Variants in PDE4D observed in about 807,000 individuals in gnomAD.
PDE4D encodes the protein 3',5'-cyclic-AMP phosphodiesterase 4D.
In PDE4D, 24 loss-of-function variants were observed where a neutral mutation model predicts 87.4. The observed-to-expected ratio is 0.27, with a 90% CI of 0.20 to 0.39. PDE4D has a LOEUF of 0.39. Ranked by LOEUF, PDE4D falls within the 10% of genes least tolerant of loss-of-function variation. The pLI, the probability that PDE4D is intolerant of heterozygous loss-of-function variation, is 1.00. For missense variants in PDE4D, 714 were observed against 1,041.0 expected (o/e 0.69, Z 4.32); for synonymous variants, 384 against 383.2 (o/e 1.00, Z -0.02).
rs563947992 is a variant in PDE4D at position 60,212,311 on chromosome 5, A to G, written c.-89-26624T>C. Among the ~76,000 whole-genome samples the G allele has an allele frequency of 9.9e-5, 15 of 152,220 alleles. No homozygotes were observed. The South Asian group carries it at 2.9e-3, about 29-fold the overall frequency. ...TCATAACTTTCTGTGATTCTCATGG[A>G]AAAATCCTTTCCATGTTTTGGGTGT... On this transcript the variant is annotated intron_variant, in intron 1 of 16. Transcript: ENST00000502484.
intron 1 of PDE4D, among the ~76,000 whole-genome samples, chr5:59,520,086 C>A: frequency 6.6e-6 from 1 of 152,112 alleles, no homozygotes; most frequent in African/African-American, 2.4e-5. Context: ...ACATGGTAAA[C>A]CTCATCTCTA....
chr5:59,094,289 A>G (rs996734256), intron 5 of PDE4D, among the ~76,000 whole-genome samples: 1 of 151,672 alleles, frequency 6.6e-6, no homozygotes, highest in African/African-American at 2.4e-5. Flanking sequence ...CATGACCAAA[A>G]TAAACATTTT....
chr5:59,769,173 A>G (rs2152595883), intron 1 of PDE4D, among the ~76,000 whole-genome samples: 1 of 152,272 alleles, frequency 6.6e-6, no homozygotes, highest in East Asian at 1.9e-4. Flanking sequence ...CACATAAGAC[A>G]AATCCCATGA....
chr5:59,482,420 C>T (rs1804433626), intron 1 of PDE4D, among the ~76,000 whole-genome samples: 1 of 152,062 alleles, frequency 6.6e-6, no homozygotes, highest in African/African-American at 2.4e-5. Flanking sequence ...TTAAAATGAC[C>T]TTCTTTTACA....
chr5:59,430,366 A>G, intron 1 of PDE4D: 7 of 1,231,336 alleles, frequency 5.7e-6, no homozygotes, highest in Non-Finnish European at 7.1e-6. Context: ...AGCGCTTCGG[A>G]ATCTAGCCAC....
intron 1 of PDE4D, among the ~76,000 whole-genome samples, chr5:59,277,004 T>C (rs1030088639): frequency 2.0e-5 from 3 of 152,146 alleles, no homozygotes; most frequent in African/African-American, 7.2e-5. Flanking sequence ...TTATTTTGGA[T>C]GTGAATTACC....
chr5:58,970,830 C>CA lies in PDE4D; in HGVS notation c.*3833dup, dbSNP rs1463362561. 6.8e-6 allele frequency: 1 copy of CA among 147,184 alleles called. No individual in the cohort carries two copies. Among genetic ancestry groups the CA allele is most frequent in the Admixed American group, 6.8e-5 (1 of 14,606 alleles). The allele number at this position is 147,184 out of a possible 1,614,324, so 9.1% of individuals were successfully genotyped here. A position where few individuals can be genotyped will look rare whatever the true frequency, so the allele number is the denominator to read the frequency against. The stretch of plus-strand genomic sequence containing the variant: ...CCATTTTCCTATGAGCTCTAGAAGC[C>CA]AAAAGGACTTAAAAAAAAGAAAAAG... On this transcript the variant is annotated 3_prime_UTR_variant, in exon 15 of 15. Transcript: ENST00000340635.
chr5:59,430,985 A>T (rs1796024543), intron 1 of PDE4D, among the ~76,000 whole-genome samples: 1 of 152,124 alleles, frequency 6.6e-6, no homozygotes, highest in South Asian at 2.1e-4. Context: ...CTGGTAAAAA[A>T]ATTGTGGGTT....
chr5:59,442,183 A>C (rs1797730315), intron 1 of PDE4D, among the ~76,000 whole-genome samples: 1 of 152,212 alleles, frequency 6.6e-6, no homozygotes, highest in South Asian at 2.1e-4. Context: ...TGTGAGAGAG[A>C]AGTAAAAGAA....
intron 1 of PDE4D, among the ~76,000 whole-genome samples, chr5:60,186,641 C>T (rs1046914871): frequency 2.0e-5 from 3 of 152,030 alleles, no homozygotes; most frequent in African/African-American, 7.2e-5. Context: ...TAGGTGTAGG[C>T]TGATGCTAAC....
chr5:59,207,454 T>TGA (rs1478614303), intron 2 of PDE4D, among the ~76,000 whole-genome samples: 7 of 152,016 alleles, frequency 4.6e-5, no homozygotes, highest in African/African-American at 9.7e-5. Flanking sequence ...CGTGTTTCAT[T>TGA]GAGAGCACTA....
intron 2 of PDE4D, among the ~76,000 whole-genome samples, chr5:60,133,967 G>A (rs1254487032): frequency 6.6e-6 from 1 of 152,056 alleles, no homozygotes; most frequent in Non-Finnish European, 1.5e-5. Context: ...CCAAACCACT[G>A]TAGTTTGTGA....
intron 2 of PDE4D, among the ~76,000 whole-genome samples, chr5:60,166,691 A>G (rs956496391): frequency 2.0e-5 from 3 of 152,178 alleles, no homozygotes; most frequent in Non-Finnish European, 2.9e-5. Context: ...TATTATTAGC[A>G]TTCTTTTATT....
chr5:60,033,847 G>A (rs189220521), intron 2 of PDE4D, among the ~76,000 whole-genome samples: 3 of 152,258 alleles, frequency 2.0e-5, no homozygotes, highest in Non-Finnish European at 4.4e-5. Flanking sequence ...TAGGCATGTG[G>A]GAAACAGAGA....
In PDE4D at chr5:59,979,561, C is replaced by T. The variant is rs534484352; in HGVS notation, c.272+8927G>A. ...GGACAAAGGTCTCACTTTAACGAAGCTCAGAGCCACGAACTTCAGTGTAAA... is the reference window on the plus strand; with the variant it reads ...GGACAAAGGTCTCACTTTAACGAAGTTCAGAGCCACGAACTTCAGTGTAAA... On this transcript the variant is annotated intron_variant, in intron 3 of 16. Coordinates refer to the PDE4D transcript ENST00000502484. Among the ~76,000 whole-genome samples, 8 of 152,100 alleles carry T rather than the reference C, an allele frequency of 5.3e-5. No individual in the cohort carries two copies. In the East Asian group the frequency reaches 1.4e-3, roughly 26 times the overall value.
chr5:60,064,068 T>A (rs906937552), intron 2 of PDE4D, among the ~76,000 whole-genome samples: 4 of 152,096 alleles, frequency 2.6e-5, no homozygotes, highest in Non-Finnish European at 5.9e-5. Context: ...TGAGGACAAA[T>A]TGATTTTAAG....
At chr5:59,691,954 G>A (rs1751022261) in intron 1 of PDE4D, among the ~76,000 whole-genome samples, 1 of 152,044 alleles carries the variant, frequency 6.6e-6, no homozygotes, top group African/African-American at 2.4e-5. Flanking sequence ...TGAGGGGTAA[G>A]TTTAGAAACA....
At chr5:59,263,903 G>C (rs571871708) in intron 1 of PDE4D, among the ~76,000 whole-genome samples, 16 of 151,928 alleles carry the variant, frequency 1.1e-4, no homozygotes, top group African/African-American at 3.9e-4. Flanking sequence ...GTGATTACAG[G>C]GGTGACCTTT....
chr5:59,176,301 C>T (rs181530661), intron 5 of PDE4D, among the ~76,000 whole-genome samples: 53 of 152,184 alleles, frequency 3.5e-4, no homozygotes, highest in African/African-American at 1.2e-3. Flanking sequence ...GCCTGTAATC[C>T]CAGCATTTTG....
Sources: gnomAD v4.1 joint callset for allele counts (sites outside exome capture counted in the v4.1 genomes callset) on GRCh38, gnomAD v4.1.1 for gene constraint, MANE v1.5 for transcripts, NCBI Gene and HGNC (gene_info 2026-07-23, HGNC 2026-07-21) for gene names.